VSIG10L: variants seen among roughly 807,000 people sequenced by gnomAD.
The protein encoded by VSIG10L is V-set and immunoglobulin domain-containing protein 10-like.
VSIG10L carries 63 observed loss-of-function variants against 67.3 expected under a neutral mutation model. The ratio of observed to expected loss-of-function variants is 0.94; its 90% confidence interval spans 0.76 to 1.15. VSIG10L has a LOEUF of 1.15. VSIG10L is among the 50% of genes most tolerant of loss of function. The pLI is 0.00. For synonymous variants in VSIG10L, 499 were observed against 524.9 expected, an observed-to-expected ratio of 0.95 and a Z score of 0.67; for missense variants, 1,050 against 1,177.5, an observed-to-expected ratio of 0.89 and a Z score of 1.58.
chr19:51,339,056 C>T lies in VSIG10L; in HGVS notation c.1561G>A (p.Ala521Thr), dbSNP rs1014807084. 13 of 1,339,896 alleles carry T rather than the reference C, an allele frequency of 9.7e-6. No homozygotes were observed. The highest frequency in any genetic ancestry group is 1.3e-5 in the Non-Finnish European group (13 of 1,037,422). The allele number at this position is 1,339,896 out of a possible 1,614,324, so 83.0% of individuals were successfully genotyped here. ...LRFRCSWPGG[A>T]PAASLQFQGL... is the part of the protein sequence containing the mutation. ...TGGAACTGCAGGGAGGCAGCAGGGG[C>T]CCCGCCGGGCCACGAGCAGCGGAAG... The change falls in exon 5 of 10, where the codon GCC becomes ACC. Residue 521 changes from alanine to threonine, a missense_variant. Around this residue, in one of 3 missense-constraint regions of VSIG10L, gnomAD observed 529 missense variants for 584.9 expected, o/e 0.90. Transcript: ENST00000335624.
chr19:51,341,032 T>C, intron 2 of VSIG10L, 121 bp downstream of exon 2: 2 of 1,361,102 alleles, frequency 1.5e-6, no homozygotes, highest in South Asian at 3.4e-5. Context: ...TTTTTCTCCC[T>C]TCCTCAACCC....
intron 9 of VSIG10L, 50 bp downstream of exon 9, chr19:51,333,741 C>T (rs1985410641): frequency 6.7e-7 from 1 of 1,488,652 alleles, no homozygotes; most frequent in Non-Finnish European, 8.9e-7. Flanking sequence ...GACTGTAATA[C>T]AAGAAGTTCC....
At chr19:51,333,581 A>G (rs1487722196) in intron 9 of VSIG10L, among the ~76,000 whole-genome samples, 40 of 152,158 alleles carry the variant, frequency 2.6e-4, no homozygotes, top group Admixed American at 2.6e-3. Context: ...TTGGAGAAGA[A>G]ACTGGAATTC....
chr19:51,334,419 C>A lies in VSIG10L; in HGVS notation c.2306-115G>T, dbSNP rs542980977. 2.1e-4 allele frequency: 170 copies of A among 802,792 alleles called. 1 individual carries two copies. The African/African-American group carries it at 2.6e-3, about 12-fold the overall frequency. The allele number at this position is 802,792 out of a possible 1,614,324, so 49.7% of individuals were successfully genotyped here. Reference sequence around the variant, plus strand: ...CAGGAGTCCGGCCCCCACTGTCCCTCCCCTCCCAGAACCCAGGAATGTGGG... The same window carrying A: ...CAGGAGTCCGGCCCCCACTGTCCCTACCCTCCCAGAACCCAGGAATGTGGG... On this transcript the variant is annotated intron_variant, in intron 7 of 9. Transcript: ENST00000335624.
At chr19:51,332,824 A>G (rs73554111) in intron 9 of VSIG10L, among the ~76,000 whole-genome samples, 184 bp from the exon 10 acceptor site, 4,328 of 152,108 alleles carry the variant, frequency 0.028, 228 homozygotes, top group African/African-American at 0.1. Flanking sequence ...CCAACAACCC[A>G]ACCCAGTTGT....
chr19:51,334,656 TGGGGGACAGGTGTG>T (rs1985440512), intron 7 of VSIG10L, among the ~76,000 whole-genome samples: 2 of 151,916 alleles, frequency 1.3e-5, no homozygotes, highest in South Asian at 4.2e-4. Context: ...ATAGAGATAA[TGGGGGACAGGTGTG>T]GTGGCTCACA....
Position 51,340,607 on chromosome 19 carries a change from C to T in VSIG10L, c.1015G>A (p.Asp339Asn). The change falls in exon 3 of 10, where the codon GAC becomes AAC. Residue 339 changes from aspartate to asparagine, a missense_variant. Physicochemically the swap from Asp to Asn is conservative, Grantham distance 23. Around this residue, in one of 3 missense-constraint regions of VSIG10L, gnomAD observed 511 missense variants for 557.9 expected, o/e 0.92. Transcript: ENST00000335624. This position sits in a 1 kb window ranked among gnomAD's most constrained non-coding sequence, Gnocchi z 6.3. ...TCCGCCGCCTCCAGGGCGCGTCCGT[C>T]CCGGCTCCAGCTCAGCTCCCCGCGA... Reference protein sequence around the residue: ...PGRGELSWSRDGRALEAAESE... With the variant: ...PGRGELSWSRNGRALEAAESE... 6.5e-7 allele frequency: 1 copy of T among 1,535,250 alleles called. No individual in the cohort carries two copies. Among genetic ancestry groups the T allele is most frequent in the Non-Finnish European group, 8.7e-7 (1 of 1,146,424 alleles).
At position 51,338,965 on chromosome 19, in the gene VSIG10L, T is replaced by G; in HGVS notation, c.1652A>C (p.His551Pro). ...SSVLLAAVPA[H>P]PRLSGVPITC... is the part of the protein sequence containing the mutation. ...GATGGGGACGCCGCTGAGCCGGGGG[T>G]GGGCGGGGACGGCCGCCAGCAGCAC... Residue 551 changes from histidine to proline, a missense_variant, in exon 5 of 10, where the codon CAC (histidine) becomes CCC (proline). This residue lies in a region of VSIG10L where 529 missense variants were observed against 584.9 expected (regional missense o/e 0.90). Transcript: ENST00000335624. 7.0e-7 allele frequency: 1 copy of G among 1,422,134 alleles called. No individual in the cohort carries two copies. 88.1% of individuals were successfully genotyped at this position (1,422,134 alleles called of 1,614,324 possible). A position where few individuals can be genotyped will look rare whatever the true frequency, so the allele number is the denominator to read the frequency against.
At position 51,340,389 on chromosome 19, in the gene VSIG10L, C is replaced by T; in HGVS notation, c.1189+44G>A. 1.4e-6 allele frequency: 2 copies of T among 1,461,482 alleles called. No homozygotes were observed. Among genetic ancestry groups the T allele is most frequent in the Non-Finnish European group, 1.8e-6 (2 of 1,105,778 alleles). 90.5% of individuals were successfully genotyped at this position (1,461,482 alleles called of 1,614,324 possible). On this transcript the variant is annotated intron_variant, in intron 3 of 9. Coordinates refer to ENST00000335624, the MANE Select transcript of VSIG10L (RefSeq NM_001163922.3). The surrounding 1 kb of genome is among the most constrained non-coding windows in gnomAD (Gnocchi z 6.3). ...GAGACTGGGTCCCCAGCCCGCTTCT[C>T]CCCAAGGACCCCCTGTCCCCGACCC...
In VSIG10L at chr19:51,338,998, A is replaced by T; in HGVS notation, c.1619T>A (p.Val540Glu). The change falls in exon 5 of 10, where the codon GTG becomes GAG. Residue 540 changes from valine (V) to glutamate (E), a missense_variant. By Grantham distance (121) the Val-to-Glu change is moderately radical. Transcript: ENST00000335624. ...GLPEGIRAGP[V>E]SSVLLAAVPA... ...GACGGCCGCCAGCAGCACAGAGGAC[A>T]CTGGCCCGGCGCGGATGCCTTCGGG... The T allele has an allele frequency of 7.1e-7, 1 of 1,406,660 alleles. No homozygotes were observed. The highest frequency in any genetic ancestry group is 3.0e-5 in the East Asian group (1 of 33,014). 87.1% of individuals were successfully genotyped at this position (1,406,660 alleles called of 1,614,324 possible).
rs947725018 is a variant in VSIG10L, at chr19:51,332,445, G to C, written c.*166C>G. The C allele has an allele frequency of 7.8e-6, 6 of 769,972 alleles. No homozygotes were observed. The highest frequency in any genetic ancestry group is 4.0e-5 in the Admixed American group (2 of 49,390). The allele number at this position is 769,972 out of a possible 1,614,324, so 47.7% of individuals were successfully genotyped here. On this transcript the variant is annotated 3_prime_UTR_variant, in exon 10 of 10. Transcript: ENST00000335624. Reference sequence around the variant, plus strand: ...GGAAGACTCTTCTTCTGCAGCAAGAGAGGGAGACAGAAAGTCCCACTTTCA... The same window carrying C: ...GGAAGACTCTTCTTCTGCAGCAAGACAGGGAGACAGAAAGTCCCACTTTCA...
At chr19:51,332,805 C>T (rs1599831362) in intron 9 of VSIG10L, among the ~76,000 whole-genome samples, 165 bp from the exon 10 acceptor site, 2 of 152,086 alleles carry the variant, frequency 1.3e-5, no homozygotes, top group Admixed American at 6.5e-5. Context: ...CTTGGTGGAG[C>T]GAAGCCAGCC....
rs1451780709 is a variant in VSIG10L at position 51,341,602 on chromosome 19, A to C, written c.446T>G (p.Val149Gly). The C allele has an allele frequency of 1.9e-6, 3 of 1,551,666 alleles. No individual in the cohort carries two copies. The highest frequency in any genetic ancestry group is 3.9e-5 in the Admixed American group (2 of 51,010). ...CTCAACAGACAGTTTGGTATGGGAG[A>C]CTTGAGTAGAAATGTTTGAAGCTGG... ...KTPASNISTQ[V>G]SHTKLSVEAP... The change falls in exon 2 of 10, where the codon GTC (valine) becomes GGC (glycine). Residue 149 changes from valine to glycine, a missense_variant. Physicochemically the swap from Val to Gly is moderately radical, Grantham distance 109 (BLOSUM62 -3). Around this residue, in one of 3 missense-constraint regions of VSIG10L, gnomAD observed 511 missense variants for 557.9 expected, o/e 0.92. Coordinates refer to ENST00000335624, the MANE Select transcript of VSIG10L (RefSeq NM_001163922.3).
Position 51,340,088 on chromosome 19 carries a change from G to GC in VSIG10L, c.1400dup (p.Thr468HisfsTer36). ...GGTTCGCCGCCAGGCAGGCGTAGGTGCCTGCGTGGCCCGGTCCGACCGCGG... is the reference window on the plus strand; with the variant it reads ...GGTTCGCCGCCAGGCAGGCGTAGGTGCCCTGCGTGGCCCGGTCCGACCGCGG... On this transcript the variant is annotated frameshift_variant, in exon 4 of 10. Transcript: ENST00000335624. LOFTEE classifies it high-confidence loss of function. This position sits in a 1 kb window ranked among gnomAD's most constrained non-coding sequence, Gnocchi z 6.3. 1 of 1,386,466 alleles carries GC rather than the reference G, an allele frequency of 7.2e-7. No homozygotes were observed. The allele number at this position is 1,386,466 out of a possible 1,614,324, so 85.9% of individuals were successfully genotyped here.
In VSIG10L at chr19:51,341,863, A is replaced by AGGTTTGAAG; in HGVS notation, c.184_185insCTTCAAACC (p.Val62delinsAlaSerAsnLeu). On this transcript the variant is annotated protein_altering_variant, in exon 2 of 10. Coordinates refer to ENST00000335624, the MANE Select transcript of VSIG10L (RefSeq NM_001163922.3). Reference sequence around the variant, plus strand: ...TTTTGAATCCAGGAACTGATCTGGAACTTTCCAGCTGGGAGGTTTGATGGA... The same window carrying AGGTTTGAAG: ...TTTTGAATCCAGGAACTGATCTGGAAGGTTTGAAGCTTTCCAGCTGGGAGGTTTGATGGA... 1 of 1,551,684 alleles carries AGGTTTGAAG rather than the reference A, an allele frequency of 6.4e-7. No individual in the cohort carries two copies. The highest frequency in any genetic ancestry group is 8.7e-7 in the Non-Finnish European group (1 of 1,146,988).
chr19:51,341,471 G>T lies in VSIG10L; in HGVS notation c.577C>A (p.Gln193Lys). The change falls in exon 2 of 10, where the codon CAG becomes AAG. Residue 193 changes from glutamine (Q) to lysine (K), a missense_variant. Physicochemically the swap from Gln to Lys is moderately conservative, Grantham distance 53 (BLOSUM62 1). Coordinates refer to ENST00000335624, the MANE Select transcript of VSIG10L (RefSeq NM_001163922.3). ...AETHSAASFP[Q>K]QVGGPLAVLV... ...ACAGCGAGTGGGCCCCCCACCTGCT[G>T]GGGAAAGCTTGCAGCTGAGTGGGTC... The T allele has an allele frequency of 6.5e-7, 1 of 1,546,954 alleles. No individual in the cohort carries two copies. Among genetic ancestry groups the T allele is most frequent in the African/African-American group, 1.4e-5 (1 of 72,922 alleles).
intron 7 of VSIG10L, among the ~76,000 whole-genome samples, chr19:51,336,907 C>T (rs4483958): frequency 0.99 from 151,002 of 152,056 alleles, 74,982 homozygotes; most frequent in African/African-American, 1. Context: ...GCTGGGACTA[C>T]AGGCGCCCGC....
intron 9 of VSIG10L, among the ~76,000 whole-genome samples, chr19:51,333,415 G>A (rs1985402183): frequency 6.6e-6 from 1 of 152,040 alleles, no homozygotes; most frequent in African/African-American, 2.4e-5. Context: ...TGTAATCCCA[G>A]CTACTCAAGT....
chr19:51,341,094 A>C, intron 2 of VSIG10L, 59 bp downstream of exon 2: 1 of 1,451,786 alleles, frequency 6.9e-7, no homozygotes, highest in Non-Finnish European at 9.1e-7. Flanking sequence ...ACTTGCCCAA[A>C]GCCTGGCAGA....
Sources: gnomAD v4.1 joint callset for allele counts (sites outside exome capture counted in the v4.1 genomes callset) on GRCh38, gnomAD v4.1.1 for gene constraint, gnomAD v4.1.1 regional missense constraint, Gnocchi (gnomAD v3.1) non-coding constraint, MANE v1.5 for transcripts, NCBI Gene and HGNC (gene_info 2026-07-23, HGNC 2026-07-21) for gene names.